Variants in SLC16A7 observed in about 807,000 individuals in gnomAD.
The protein encoded by SLC16A7 is solute carrier family 16 member 7.
A neutral mutation model predicts 34.9 loss-of-function variants in SLC16A7; 33 were observed. The ratio of observed to expected loss-of-function variants is 0.94; its 90% CI spans 0.72 to 1.26. The LOEUF (loss-of-function observed/expected upper bound fraction) is 1.26. SLC16A7 is among the 50% of genes most tolerant of loss of function. The pLI, the probability that SLC16A7 is intolerant of heterozygous loss-of-function variation, is 0.00. For missense variants in SLC16A7, 573 were observed against 578.1 expected (o/e 0.99, Z 0.09); for synonymous variants, 201 against 206.6 (o/e 0.97, Z 0.23).
intron 3 of SLC16A7, among the ~76,000 whole-genome samples, chr12:59,756,555 A>G (rs1272903018): frequency 3.3e-5 from 5 of 152,070 alleles, no homozygotes; most frequent in Admixed American, 3.3e-4. Context: ...AACCACAATG[A>G]GATACCATCT....
chr12:59,607,472 C>T (rs1878998311), intron 1 of SLC16A7, among the ~76,000 whole-genome samples: 2 of 152,112 alleles, frequency 1.3e-5, no homozygotes, highest in South Asian at 4.1e-4. Context: ...CTTGATGAAA[C>T]ATTTGAATCA....
At chr12:59,735,812 T>C in intron 3 of SLC16A7, 1 of 251,388 alleles carries the variant, frequency 4.0e-6, no homozygotes, top group South Asian at 1.1e-4. Flanking sequence ...GAATAAGTAA[T>C]ATATTATAAA....
intron 5 of SLC16A7, among the ~76,000 whole-genome samples, chr12:59,778,473 T>G (rs1882974363): frequency 1.3e-5 from 2 of 152,142 alleles, no homozygotes; most frequent in Admixed American, 1.3e-4. Context: ...TCAGAATCAC[T>G]TGGAATGCAT....
chr12:59,721,569 C>T (rs2137204776), intron 3 of SLC16A7, among the ~76,000 whole-genome samples: 1 of 152,092 alleles, frequency 6.6e-6, no homozygotes, highest in Admixed American at 6.6e-5. Context: ...ACCAATGTTA[C>T]CTGTCAGCCA....
At chr12:59,668,286 C>T (rs535627732) in intron 2 of SLC16A7, among the ~76,000 whole-genome samples, 74 of 152,160 alleles carry the variant, frequency 4.9e-4, no homozygotes, top group Non-Finnish European at 7.3e-5. Context: ...AAGCCACAGG[C>T]ACTCAACTCC....
intron 1 of SLC16A7, among the ~76,000 whole-genome samples, chr12:59,633,414 A>C (rs1422129189): frequency 6.6e-6 from 1 of 152,050 alleles, no homozygotes; most frequent in Non-Finnish European, 1.5e-5. Flanking sequence ...AGTTTAAATA[A>C]GAGAGATATT....
rs146086277 is a variant in SLC16A7 at position 59,619,988 on chromosome 12, G to C, written c.-130+23752G>C. On this transcript the variant is annotated intron_variant, in intron 1 of 5. Transcript: ENST00000547379. The stretch of plus-strand genomic sequence containing the variant: ...CACAAAGTTAGTAAATAATAGAGAT[G>C]GTGTTTGAGACTAGACATTCTAACC... Among the ~76,000 whole-genome samples the C allele has an allele frequency of 1.2e-3, 186 of 152,016 alleles. 2 individuals are homozygous for C. The highest frequency in any genetic ancestry group is 4.1e-3 in the African/African-American group (171 of 41,518).
At chr12:59,621,586 A>G (rs548016897) in intron 1 of SLC16A7, among the ~76,000 whole-genome samples, 2 of 151,890 alleles carry the variant, frequency 1.3e-5, no homozygotes, top group Non-Finnish European at 2.9e-5. Flanking sequence ...TCATTCTTAG[A>G]TTACAAGGAA....
chr12:59,690,595 G>T (rs1211558195), intron 2 of SLC16A7, among the ~76,000 whole-genome samples: 1 of 151,944 alleles, frequency 6.6e-6, no homozygotes, highest in Non-Finnish European at 1.5e-5. Context: ...GATAAGGTTT[G>T]TTACACAGAT....
intron 4 of SLC16A7, among the ~76,000 whole-genome samples, chr12:59,772,754 A>T (rs951360443): frequency 6.6e-6 from 1 of 152,146 alleles, no homozygotes; most frequent in African/African-American, 2.4e-5. Context: ...GTAAAAAATG[A>T]ATACGTAGTA....
chr12:59,693,489 G>C (rs1166021760), intron 2 of SLC16A7, among the ~76,000 whole-genome samples: 1 of 151,754 alleles, frequency 6.6e-6, no homozygotes, highest in Non-Finnish European at 1.5e-5. Flanking sequence ...AACCCGTATT[G>C]ATTCTAAAAG....
At chr12:59,612,264 T>C (rs1037411461) in intron 1 of SLC16A7, among the ~76,000 whole-genome samples, 8 of 152,194 alleles carry the variant, frequency 5.3e-5, no homozygotes, top group Non-Finnish European at 1.0e-4. Context: ...CAGTTACAGG[T>C]GCAAAACCAC....
At chr12:59,671,056 A>G (rs1213110294) in intron 2 of SLC16A7, among the ~76,000 whole-genome samples, 6 of 152,160 alleles carry the variant, frequency 3.9e-5, no homozygotes, top group African/African-American at 1.4e-4. Context: ...ATGAAGGTCC[A>G]AGCCATCAGA....
chr12:59,686,724 C>G (rs1871190585), intron 2 of SLC16A7, among the ~76,000 whole-genome samples: 1 of 152,064 alleles, frequency 6.6e-6, no homozygotes, highest in South Asian at 2.1e-4. Context: ...TGAGACCACA[C>G]CATTGATCTC....
intron 4 of SLC16A7, among the ~76,000 whole-genome samples, chr12:59,773,507 T>C (rs1353907150): frequency 6.6e-6 from 1 of 152,108 alleles, no homozygotes; most frequent in Non-Finnish European, 1.5e-5. Context: ...TATAGAGTAA[T>C]TCCTAGTTTA....
At chr12:59,663,290 T>A (rs1565635953) in intron 2 of SLC16A7, among the ~76,000 whole-genome samples, 1 of 151,978 alleles carries the variant, frequency 6.6e-6, no homozygotes. Flanking sequence ...ATTCTTGATG[T>A]AATAAATAAC....
At chr12:59,655,288 C>G (rs1480535820) in intron 2 of SLC16A7, 38 bp downstream of exon 2, 1 of 151,876 alleles carries the variant, frequency 6.6e-6, no homozygotes, top group Non-Finnish European at 1.5e-5. Context: ...TTTCTTCCAT[C>G]TAGCTCTTGT....
chr12:59,738,507 T>C (rs1051515889), intron 3 of SLC16A7, among the ~76,000 whole-genome samples: 2 of 152,204 alleles, frequency 1.3e-5, no homozygotes, highest in African/African-American at 4.8e-5. Flanking sequence ...GGAGAAGGCC[T>C]GTCTATTCTG....
At chr12:59,598,884 C>T (rs923138031) in intron 1 of SLC16A7, among the ~76,000 whole-genome samples, 6 of 152,178 alleles carry the variant, frequency 3.9e-5, no homozygotes, top group Non-Finnish European at 5.9e-5. Flanking sequence ...TCACCATATT[C>T]CAGGCACTGT....
Sources: gnomAD v4.1 joint callset for allele counts (sites outside exome capture counted in the v4.1 genomes callset) on GRCh38, gnomAD v4.1.1 for gene constraint, MANE v1.5 for transcripts, NCBI Gene and HGNC (gene_info 2026-07-23, HGNC 2026-07-21) for gene names.